Variants in STK32C observed in about 807,000 individuals in gnomAD.
STK32C encodes the protein serine/threonine-protein kinase 32C.
In STK32C, 31 loss-of-function variants were observed where a neutral mutation model predicts 56.5. That is an observed-to-expected ratio of 0.55 (90% CI 0.41 to 0.74). The LOEUF (loss-of-function observed/expected upper bound fraction) is 0.74, where lower values mean the gene tolerates loss of function less well. STK32C is among the 30% of genes least tolerant of loss of function. The probability of loss-of-function intolerance (pLI) is 0.00; values close to 1 mark genes in which losing one functional copy is unlikely to be tolerated. For missense variants in STK32C, 544 were observed against 676.9 expected (o/e 0.80, Z 2.18); for synonymous variants, 309 against 289.4 (o/e 1.07, Z -0.69).
At chr10:132,239,810 G>GACCC (rs2063437301) in intron 2 of STK32C, among the ~76,000 whole-genome samples, 7 of 152,352 alleles carry the variant, frequency 4.6e-5, no homozygotes, top group African/African-American at 1.4e-4. Flanking sequence ...ACGGCACATA[G>GACCC]GCCCGGGTTC....
chr10:132,261,583 G>A (rs984996614), intron 1 of STK32C, among the ~76,000 whole-genome samples: 13 of 152,074 alleles, frequency 8.5e-5, no homozygotes, highest in African/African-American at 2.7e-4. Flanking sequence ...TGGACAACAC[G>A]GTAAAACCCT....
In STK32C at chr10:132,227,880, C is replaced by CGAGGGCCAAG; in HGVS notation, c.470+87_470+96dup. ...GGGTGGCAGAGGCATCTCCGAGGCA[C>CGAGGGCCAAG]GAGGGCCAAGGAGCACCAAGGGCAG... On this transcript the variant is annotated intron_variant, in intron 3 of 11. Transcript: ENST00000298630. The CGAGGGCCAAG allele has an allele frequency of 2.0e-6, 3 of 1,479,948 alleles. No homozygotes were observed. In the South Asian group the frequency reaches 3.8e-5, roughly 19 times the overall value. The allele number at this position is 1,479,948 out of a possible 1,614,324, so 91.7% of individuals were successfully genotyped here.
chr10:132,251,956 T>C (rs1336569646), intron 1 of STK32C, among the ~76,000 whole-genome samples: 3 of 131,278 alleles, frequency 2.3e-5, no homozygotes, highest in Middle Eastern at 4.9e-3. Flanking sequence ...GGCAGGTCAA[T>C]GCCCTACGCC....
At chr10:132,331,243 C>G (rs768117888) in intron 1 of STK32C, among the ~76,000 whole-genome samples, 1 of 149,196 alleles carries the variant, frequency 6.7e-6, no homozygotes, top group Non-Finnish European at 1.5e-5. Context: ...ATGGCAGACT[C>G]CAGCTAAACT....
chr10:132,235,370 C>A (rs766803261), intron 2 of STK32C, among the ~76,000 whole-genome samples: 1 of 151,410 alleles, frequency 6.6e-6, no homozygotes, highest in African/African-American at 2.4e-5. Flanking sequence ...GTGGCGTGTG[C>A]CTGTAATCCC....
At chr10:132,222,499 G>A (rs575958208) in intron 10 of STK32C, 142 bp downstream of exon 10, 2 of 1,097,666 alleles carry the variant, frequency 1.8e-6, no homozygotes, top group South Asian at 3.2e-5. Context: ...GAGGTCTCTG[G>A]CCTTCTCAGG....
At position 132,307,775 on chromosome 10, in the gene STK32C, G is replaced by A. The variant is rs1590474022; in HGVS notation, c.59C>T (p.Pro20Leu). 4.0e-6 allele frequency: 4 copies of A among 995,712 alleles called. No homozygotes were observed. The highest frequency in any genetic ancestry group is 4.5e-5 in the South Asian group (1 of 22,242). The allele number at this position is 995,712 out of a possible 1,614,324, so 61.7% of individuals were successfully genotyped here. Residue 20 changes from proline (P) to leucine (L), a missense_variant, in exon 1 of 12, where the codon CCC (proline) becomes CTC (leucine). Physicochemically the swap from Pro to Leu is moderately conservative, Grantham distance 98 (BLOSUM62 -3). Transcript: ENST00000298630. This position sits in a 1 kb window ranked among gnomAD's most constrained non-coding sequence, Gnocchi z 4.4. ...SSAAASPGSP[P>L]PGRARPAGSD... ...GCCGGCGGGGCGCGCGCGGCCGGGG[G>A]GCGGCGAGCCCGGGGACGCCGCGGC...
chr10:132,274,770 G>A (rs78971861), intron 1 of STK32C, among the ~76,000 whole-genome samples: 9,990 of 152,254 alleles, frequency 0.066, 369 homozygotes, highest in African/African-American at 0.087. Flanking sequence ...AAGCCTCCTC[G>A]GCAGTCGGCC....
chr10:132,269,187 GTGTC>G (rs1235057274), intron 1 of STK32C, among the ~76,000 whole-genome samples: 2 of 152,148 alleles, frequency 1.3e-5, no homozygotes, highest in Non-Finnish European at 1.5e-5. Context: ...CATCGTGTGT[GTGTC>G]TGTGTGTGCA....
In STK32C at chr10:132,224,535, G is replaced by A; in HGVS notation, c.877-12C>T. The A allele has an allele frequency of 6.3e-7, 1 of 1,585,234 alleles. No individual in the cohort carries two copies. On this transcript the variant is annotated splice_polypyrimidine_tract_variant and intron_variant, in intron 7 of 11. Coordinates refer to ENST00000298630, the MANE Select transcript of STK32C (RefSeq NM_173575.4). Reference sequence around the variant, plus strand: ...ATGTCATAGGGCCTCTGGAGACAGGGAGGCAGTGCTGGGCAGGTCCTCCTG... The same window carrying A: ...ATGTCATAGGGCCTCTGGAGACAGGAAGGCAGTGCTGGGCAGGTCCTCCTG...
intron 1 of STK32C, among the ~76,000 whole-genome samples, chr10:132,261,220 G>A (rs769587253): frequency 2.0e-5 from 3 of 152,194 alleles, no homozygotes; most frequent in Non-Finnish European, 4.4e-5. Flanking sequence ...GAGTTGCCAG[G>A]TGGCTGGAGA....
At position 132,328,316 on chromosome 10, in the gene STK32C, G is replaced by A. The variant is rs138359953; in HGVS notation, c.301+3120C>T. Reference sequence around the variant, plus strand: ...TGCTGTTTTCTGCTCCTGGGTGGGTGCCCGAACTGCCGGAGCGAGATTACA... The same window carrying A: ...TGCTGTTTTCTGCTCCTGGGTGGGTACCCGAACTGCCGGAGCGAGATTACA... On this transcript the variant is annotated intron_variant, in intron 1 of 1. Coordinates refer to the STK32C transcript ENST00000368619. Among the ~76,000 whole-genome samples, 742 of 152,150 alleles carry A rather than the reference G, an allele frequency of 4.9e-3. 3 individuals carry two copies. The highest frequency in any genetic ancestry group is 0.017 in the African/African-American group (716 of 41,518).
At chr10:132,253,594 G>A (rs565207026) in intron 1 of STK32C, among the ~76,000 whole-genome samples, 111 of 149,494 alleles carry the variant, frequency 7.4e-4, no homozygotes, top group African/African-American at 2.6e-3. Context: ...GGAGGGAGCC[G>A]AGGGAGCTGG....
intron 1 of STK32C, among the ~76,000 whole-genome samples, chr10:132,281,809 G>A (rs1465905603): frequency 6.6e-6 from 1 of 152,230 alleles, no homozygotes; most frequent in Admixed American, 6.5e-5. Context: ...TCCACCTTGG[G>A]AGAAGCCCGG....
downstream of STK32C, among the ~76,000 whole-genome samples, chr10:132,319,894 T>A (rs2066371527): frequency 6.7e-6 from 1 of 149,310 alleles, no homozygotes; most frequent in African/African-American, 2.4e-5. Flanking sequence ...TTAGATGGAT[T>A]TTTTTTTTTT....
intron 1 of STK32C, among the ~76,000 whole-genome samples, chr10:132,314,220 A>G (rs1254338651): frequency 6.6e-6 from 1 of 152,086 alleles, no homozygotes; most frequent in Non-Finnish European, 1.5e-5. Flanking sequence ...AACTAATAAC[A>G]CTCTGCCTGA....
At chr10:132,308,667 A>AC (rs1482067497), upstream of STK32C, among the ~76,000 whole-genome samples, 1 of 151,906 alleles carries the variant, frequency 6.6e-6, no homozygotes, top group East Asian at 1.9e-4. Flanking sequence ...GCTCTCGGGC[A>AC]CCCCCGTGCC....
intron 2 of STK32C, among the ~76,000 whole-genome samples, chr10:132,231,393 T>A (rs2063094933): frequency 6.6e-6 from 1 of 152,148 alleles, no homozygotes; most frequent in Non-Finnish European, 1.5e-5. Flanking sequence ...TACACTCAGG[T>A]CTCCCGAGTC....
intron 1 of STK32C, among the ~76,000 whole-genome samples, chr10:132,261,540 G>T (rs2064307830): frequency 6.6e-6 from 1 of 152,178 alleles, no homozygotes; most frequent in African/African-American, 2.4e-5. Flanking sequence ...CAAGGCAGGT[G>T]GATCACCTGA....
Sources: gnomAD v4.1 joint callset for allele counts (sites outside exome capture counted in the v4.1 genomes callset) on GRCh38, gnomAD v4.1.1 for gene constraint, Gnocchi (gnomAD v3.1) non-coding constraint, MANE v1.5 for transcripts, NCBI Gene and HGNC (gene_info 2026-07-23, HGNC 2026-07-21) for gene names.